The following SLC16A10 variants were observed in gnomAD, a reference collection of about 807,000 sequenced individuals.
SLC16A10 encodes monocarboxylate transporter 10.
SLC16A10 carries 27 observed loss-of-function variants against 40.0 expected under a neutral mutation model. The observed-to-expected ratio is 0.67, with a 90% CI of 0.50 to 0.93. SLC16A10 has a LOEUF of 0.93. SLC16A10 is among the 40% of genes least tolerant of loss of function. The probability of loss-of-function intolerance (pLI) is 0.00; values close to 1 mark genes in which losing one functional copy is unlikely to be tolerated. For missense variants in SLC16A10, 529 were observed against 658.2 expected (o/e 0.80, Z 2.15); for synonymous variants, 213 against 249.8 (o/e 0.85, Z 1.39).
chr6:111,166,041 T>A (rs1562419349), intron 1 of SLC16A10, among the ~76,000 whole-genome samples: 1 of 152,060 alleles, frequency 6.6e-6, no homozygotes, highest in Non-Finnish European at 1.5e-5. Context: ...GCTTATGGGG[T>A]CCTAGGTCTG....
At chr6:111,180,017 A>G (rs1772760559) in intron 3 of SLC16A10, among the ~76,000 whole-genome samples, 1 of 152,238 alleles carries the variant, frequency 6.6e-6, no homozygotes, top group Non-Finnish European at 1.5e-5. Flanking sequence ...AGACTAGTAA[A>G]GTAGATGATG....
chr6:111,167,675 G>GAGAA (rs1355576203), intron 1 of SLC16A10, among the ~76,000 whole-genome samples: 5 of 151,816 alleles, frequency 3.3e-5, no homozygotes, highest in Non-Finnish European at 5.9e-5. Context: ...GAGAGAGAGA[G>GAGAA]AGAAAGAGAG....
chr6:111,118,221 T>C (rs1771522801), intron 1 of SLC16A10, among the ~76,000 whole-genome samples: 1 of 152,224 alleles, frequency 6.6e-6, no homozygotes, highest in Non-Finnish European at 1.5e-5. Flanking sequence ...CTCATAGGGC[T>C]TCTTGTTGAC....
chr6:111,178,186 C>G (rs181198646), intron 3 of SLC16A10, among the ~76,000 whole-genome samples: 38 of 152,050 alleles, frequency 2.5e-4, no homozygotes, highest in African/African-American at 9.2e-4. Flanking sequence ...GTTTTTCAAC[C>G]GAAGGGTGTA....
intron 1 of SLC16A10, among the ~76,000 whole-genome samples, chr6:111,138,055 T>C (rs1771914411): frequency 6.6e-6 from 1 of 152,184 alleles, no homozygotes; most frequent in African/African-American, 2.4e-5. Flanking sequence ...TTTCACTCTA[T>C]TAAATCTTGC....
At chr6:111,090,813 G>C (rs1293783385) in intron 1 of SLC16A10, among the ~76,000 whole-genome samples, 3 of 152,194 alleles carry the variant, frequency 2.0e-5, no homozygotes, top group African/African-American at 7.2e-5. Context: ...TCTGGAATTT[G>C]TTTAAGCCTT....
At chr6:111,112,842 G>A (rs1771414216) in intron 1 of SLC16A10, among the ~76,000 whole-genome samples, 1 of 152,126 alleles carries the variant, frequency 6.6e-6, no homozygotes, top group Admixed American at 6.5e-5. Context: ...AGGATAACTT[G>A]ACAGGAAGTG....
intron 1 of SLC16A10, among the ~76,000 whole-genome samples, chr6:111,154,118 G>A (rs1486988637): frequency 6.6e-6 from 1 of 152,100 alleles, no homozygotes; most frequent in Non-Finnish European, 1.5e-5. Context: ...CTCTATATTG[G>A]AGAATATTTT....
chr6:111,185,856 T>C (rs1390401599), intron 3 of SLC16A10, among the ~76,000 whole-genome samples: 1 of 151,960 alleles, frequency 6.6e-6, no homozygotes, highest in East Asian at 1.9e-4. Context: ...AGAATTAGTG[T>C]GTTGGAAAAC....
chr6:111,104,383 G>A (rs1771244465), intron 1 of SLC16A10, among the ~76,000 whole-genome samples: 1 of 152,194 alleles, frequency 6.6e-6, no homozygotes, highest in South Asian at 2.1e-4. Flanking sequence ...AGGATAGACT[G>A]CAGGAATTCT....
At chr6:111,218,360 C>A (rs1352665934) in intron 4 of SLC16A10, among the ~76,000 whole-genome samples, 1 of 152,152 alleles carries the variant, frequency 6.6e-6, no homozygotes, top group East Asian at 1.9e-4. Flanking sequence ...AGGTGGATCA[C>A]TTGAGGTCAG....
Position 111,223,258 on chromosome 6 carries a change from C to T in SLC16A10, c.*1023C>T, listed in dbSNP as rs2114598513. ...AATGAGTCTGAAAAGGTTAAAAGCACTTATAAAAAGAACCAAGTCCTACAT... is the reference window on the plus strand; with the variant it reads ...AATGAGTCTGAAAAGGTTAAAAGCATTTATAAAAAGAACCAAGTCCTACAT... On this transcript the variant is annotated 3_prime_UTR_variant, in exon 6 of 6. Coordinates refer to ENST00000368851, the MANE Select transcript of SLC16A10 (RefSeq NM_018593.5). The T allele has an allele frequency of 6.6e-6, 1 of 152,220 alleles. No homozygotes were observed. 9.4% of individuals were successfully genotyped at this position (152,220 alleles called of 1,614,324 possible).
At chr6:111,093,608 G>C (rs563175323) in intron 1 of SLC16A10, among the ~76,000 whole-genome samples, 1 of 152,274 alleles carries the variant, frequency 6.6e-6, no homozygotes, top group South Asian at 2.1e-4. Flanking sequence ...TTGCCTTTAC[G>C]CTAAAGAGAT....
At chr6:111,197,608 AAT>A (rs1773099324) in intron 3 of SLC16A10, among the ~76,000 whole-genome samples, 1 of 152,174 alleles carries the variant, frequency 6.6e-6, no homozygotes, top group African/African-American at 2.4e-5. Context: ...CCTATAAAGA[AAT>A]ACCTGAGGCC....
intron 1 of SLC16A10, among the ~76,000 whole-genome samples, chr6:111,105,483 TGC>T (rs1474889657): frequency 6.6e-6 from 1 of 152,202 alleles, no homozygotes; most frequent in East Asian, 1.9e-4. Context: ...GGACTGTTTT[TGC>T]ACATTCATAA....
At chr6:111,088,635 T>C (rs1770915332) in intron 1 of SLC16A10, among the ~76,000 whole-genome samples, 1 of 152,278 alleles carries the variant, frequency 6.6e-6, no homozygotes, top group Admixed American at 6.5e-5. Context: ...GAGTCACGGT[T>C]CCGTGCGTTC....
chr6:111,126,700 A>G (rs1316460635), intron 1 of SLC16A10, among the ~76,000 whole-genome samples: 1 of 152,188 alleles, frequency 6.6e-6, no homozygotes, highest in Non-Finnish European at 1.5e-5. Context: ...GTGAGATGAC[A>G]TGGTTATTAA....
intron 1 of SLC16A10, chr6:111,091,246 A>C (rs1770969587): frequency 6.6e-6 from 1 of 152,162 alleles, no homozygotes; most frequent in Middle Eastern, 3.2e-3. Context: ...TTTGCATGTC[A>C]TCCTTGTTCA....
At chr6:111,094,170 T>C (rs1444560149) in intron 1 of SLC16A10, among the ~76,000 whole-genome samples, 4 of 152,234 alleles carry the variant, frequency 2.6e-5, no homozygotes, top group Non-Finnish European at 4.4e-5. Context: ...TGTGATTTGC[T>C]ACATCTTTTT....
Sources: gnomAD v4.1 joint callset for allele counts (sites outside exome capture counted in the v4.1 genomes callset) on GRCh38, gnomAD v4.1.1 for gene constraint, MANE v1.5 for transcripts, NCBI Gene and HGNC (gene_info 2026-07-23, HGNC 2026-07-21) for gene names.